Variants in NFIB observed in about 807,000 individuals in gnomAD.
The protein encoded by NFIB is nuclear factor I B, also known as nuclear factor 1 B-type.
NFIB carries 11 observed loss-of-function variants against 61.5 expected under a neutral mutation model. The ratio of observed to expected loss-of-function variants is 0.18; its 90% CI spans 0.11 to 0.30. The LOEUF is 0.30. Ranked by LOEUF, NFIB falls within the 10% of genes least tolerant of loss-of-function variation. NFIB has a pLI of 1.00. For synonymous variants in NFIB, 260 were observed against 216.5 expected, an observed-to-expected ratio of 1.20 and a Z score of -1.76; for missense variants, 471 against 608.9, an observed-to-expected ratio of 0.77 and a Z score of 2.38.
rs2032859882 is a variant in NFIB, at chr9:14,086,315, C to G, written c.*1994G>C. 1 of 220,864 alleles carries G rather than the reference C, an allele frequency of 4.5e-6. No homozygotes were observed. The highest frequency in any genetic ancestry group is 6.6e-5 in the East Asian group (1 of 15,156). The allele number at this position is 220,864 out of a possible 1,614,324, so 13.7% of individuals were successfully genotyped here. A position where few individuals can be genotyped will look rare whatever the true frequency, so the allele number is the denominator to read the frequency against. On this transcript the variant is annotated 3_prime_UTR_variant, in exon 11 of 11. Transcript: ENST00000380953. ...CTCAGTACACAAAAGGACCTCATCACACTGCAAAAATAGCAGTACCCACTT... is the reference window on the plus strand; with the variant it reads ...CTCAGTACACAAAAGGACCTCATCAGACTGCAAAAATAGCAGTACCCACTT...
chr9:14,467,334 G>T, the NFIB span, among the ~76,000 whole-genome samples: 2 of 152,072 alleles, frequency 1.3e-5, no homozygotes, highest in African/African-American at 4.8e-5. Context: ...ACAGGGTCTG[G>T]CCAGGTCACA....
chr9:14,530,013 T>C, the NFIB span, among the ~76,000 whole-genome samples: 259 of 152,288 alleles, frequency 1.7e-3, 1 homozygote, highest in African/African-American at 5.6e-3. Flanking sequence ...AAAATATTAA[T>C]AGTGATTGGC....
At chr9:14,354,780 C>CTGTGTGTGTGTGTGTGTG (rs67877825) in intron 1 of NFIB, among the ~76,000 whole-genome samples, 7 of 145,776 alleles carry the variant, frequency 4.8e-5, no homozygotes, top group African/African-American at 1.3e-4. Context: ...AATGGGTACT[C>CTGTGTGTGTGTGTGTGTG]TGTGTGTGTG....
At chr9:14,264,164 C>T (rs891423636) in intron 2 of NFIB, among the ~76,000 whole-genome samples, 6 of 151,592 alleles carry the variant, frequency 4.0e-5, no homozygotes, top group Admixed American at 6.6e-5. Flanking sequence ...AATATAGAAA[C>T]GACTATTTAA....
chr9:14,344,945 TG>T (rs1160161572), intron 1 of NFIB, among the ~76,000 whole-genome samples: 2 of 152,140 alleles, frequency 1.3e-5, no homozygotes, highest in South Asian at 2.1e-4. Flanking sequence ...GAGGGGTGGT[TG>T]GGGCATTCTT....
upstream of NFIB, among the ~76,000 whole-genome samples, chr9:14,318,837 G>C (rs970829593): frequency 1.3e-5 from 2 of 152,104 alleles, no homozygotes; most frequent in Non-Finnish European, 1.5e-5. Flanking sequence ...GCCTGTACTT[G>C]ATGAGAATTG....
chr9:14,456,838 T>G, the NFIB span, among the ~76,000 whole-genome samples: 124 of 152,294 alleles, frequency 8.1e-4, no homozygotes, highest in African/African-American at 2.8e-3. Flanking sequence ...TTTTGGGAAA[T>G]TTATCCTATT....
rs2033145719 is a variant in NFIB at position 14,088,106 on chromosome 9, G to C, written c.*203C>G. ...TCTTTCTTCAGTTTCTTTCCTTTCT[G>C]CCTTTGTGTTGTTTTGTCCAGTCTT... is the stretch of plus-strand genomic sequence containing the variant. On this transcript the variant is annotated 3_prime_UTR_variant, in exon 11 of 11. Coordinates refer to ENST00000380953, the MANE Select transcript of NFIB (RefSeq NM_001190737.2). 1 of 1,159,842 alleles carries C rather than the reference G, an allele frequency of 8.6e-7. No homozygotes were observed. The highest frequency in any genetic ancestry group is 2.9e-5 in the East Asian group (1 of 34,970). The allele number at this position is 1,159,842 out of a possible 1,614,324, so 71.8% of individuals were successfully genotyped here. A position where few individuals can be genotyped will look rare whatever the true frequency, so the allele number is the denominator to read the frequency against.
the NFIB span, among the ~76,000 whole-genome samples, chr9:14,413,622 TA>T: frequency 6.6e-6 from 1 of 152,062 alleles, no homozygotes; most frequent in African/African-American, 2.4e-5. Context: ...CCAAAGGAAA[TA>T]AAAAAGCTGC....
chr9:14,149,753 C>A (rs1373668754), intron 5 of NFIB, among the ~76,000 whole-genome samples: 1 of 151,992 alleles, frequency 6.6e-6, no homozygotes, highest in East Asian at 1.9e-4. Context: ...TTTCATTATC[C>A]TAAGCTTAGA....
At chr9:14,419,952 G>C in the NFIB span, among the ~76,000 whole-genome samples, 1 of 152,132 alleles carries the variant, frequency 6.6e-6, no homozygotes, top group Non-Finnish European at 1.5e-5. Context: ...GAGTAAATTA[G>C]TCCTGGAGAG....
intron 2 of NFIB, among the ~76,000 whole-genome samples, chr9:14,210,902 G>A (rs1190643256): frequency 6.6e-6 from 1 of 152,070 alleles, no homozygotes; most frequent in East Asian, 1.9e-4. Context: ...TGTACACTGT[G>A]GATTTTCTGG....
At chr9:14,451,160 C>T in the NFIB span, among the ~76,000 whole-genome samples, 402 of 152,310 alleles carry the variant, frequency 2.6e-3, 1 homozygote, top group Non-Finnish European at 4.5e-3. Flanking sequence ...CTCCTACCCT[C>T]CCAGTGGGAC....
At chr9:14,204,427 T>C (rs113731990) in intron 2 of NFIB, 14 of 1,147,366 alleles carry the variant, frequency 1.2e-5, no homozygotes, top group African/African-American at 4.5e-5. Context: ...GGCCCCGCTA[T>C]AGCAGGTTGC....
intron 2 of NFIB, among the ~76,000 whole-genome samples, chr9:14,257,823 G>A (rs935011328): frequency 6.6e-6 from 1 of 152,058 alleles, no homozygotes; most frequent in Non-Finnish European, 1.5e-5. Flanking sequence ...GCCAGCTATG[G>A]TTTCCTTGTC....
intron 10 of NFIB, among the ~76,000 whole-genome samples, chr9:14,103,948 C>T (rs1483983762): frequency 6.6e-6 from 1 of 150,650 alleles, no homozygotes; most frequent in Admixed American, 6.6e-5. Flanking sequence ...GAGACAGTCT[C>T]ACTTCATCAC....
intron 2 of NFIB, among the ~76,000 whole-genome samples, chr9:14,299,592 A>G (rs1272022826): frequency 6.6e-6 from 1 of 152,226 alleles, no homozygotes; most frequent in South Asian, 2.1e-4. Flanking sequence ...ATAACTTACT[A>G]CATGTTCTGA....
chr9:14,355,597 T>G (rs558894189), intron 1 of NFIB, among the ~76,000 whole-genome samples: 26 of 152,304 alleles, frequency 1.7e-4, no homozygotes, highest in African/African-American at 5.5e-4. Flanking sequence ...GCTGGCTTCC[T>G]GGGTGTGTGT....
In NFIB at chr9:14,120,534, T is replaced by C; in HGVS notation, c.1151A>G (p.His384Arg). 1.2e-6 allele frequency: 2 copies of C among 1,614,092 alleles called. No individual in the cohort carries two copies. Among genetic ancestry groups the C allele is most frequent in the Non-Finnish European group, 8.5e-7 (1 of 1,180,014 alleles). The change falls in exon 8 of 11, where the codon CAT becomes CGT. Residue 384 changes from histidine to arginine, a missense_variant. Around this residue, in one of 2 missense-constraint regions of NFIB, gnomAD observed 372 missense variants for 395.6 expected, o/e 0.94. Coordinates refer to ENST00000380953, the MANE Select transcript of NFIB (RefSeq NM_001190737.2). The surrounding 1 kb of genome is among the most constrained non-coding windows in gnomAD (Gnocchi z 4.4). ...GTGGGGAGGATATCTGATTGTTGGATGAGAAAAGTAGCTCGATGGGGCTGG... is the reference window on the plus strand; with the variant it reads ...GTGGGGAGGATATCTGATTGTTGGACGAGAAAAGTAGCTCGATGGGGCTGG... ...LPPAPSSYFSHPTIRYPPHLN... is the reference protein window; with the variant it reads ...LPPAPSSYFSRPTIRYPPHLN...
Sources: gnomAD v4.1 joint callset for allele counts (sites outside exome capture counted in the v4.1 genomes callset) on GRCh38, gnomAD v4.1.1 for gene constraint, gnomAD v4.1.1 regional missense constraint, Gnocchi (gnomAD v3.1) non-coding constraint, MANE v1.5 for transcripts, NCBI Gene and HGNC (gene_info 2026-07-23, HGNC 2026-07-21) for gene names.